The following TUT7 variants were observed in gnomAD, a reference collection of about 807,000 sequenced individuals.
TUT7 encodes terminal uridylyl transferase 7.
Under a neutral mutation model 165.9 loss-of-function variants are expected in TUT7, and 33 were observed. The observed-to-expected ratio is 0.20, with a 90% CI of 0.15 to 0.27. TUT7 has a LOEUF of 0.27. Among genes scored for constraint, TUT7 ranks in the 10% least tolerant of loss-of-function variants. The pLI is 1.00. For missense variants in TUT7, 1,338 were observed against 1,762.3 expected (o/e 0.76, Z 4.31); for synonymous variants, 552 against 608.1 (o/e 0.91, Z 1.36).
chr9:86,307,481 A>G (rs1279258384), intron 22 of TUT7, among the ~76,000 whole-genome samples: 1 of 152,262 alleles, frequency 6.6e-6, no homozygotes, highest in Non-Finnish European at 1.5e-5. Flanking sequence ...AATAATAATA[A>G]AACCACAACT....
At chr9:86,353,531 T>A (rs1832481240) in intron 1 of TUT7, among the ~76,000 whole-genome samples, 1 of 152,216 alleles carries the variant, frequency 6.6e-6, no homozygotes, top group South Asian at 2.1e-4. Context: ...ATTACTCATA[T>A]CAAGTATGGT....
At chr9:86,306,177 CT>C (rs756260110) in intron 22 of TUT7, among the ~76,000 whole-genome samples, 1 of 152,006 alleles carries the variant, frequency 6.6e-6, no homozygotes, top group Non-Finnish European at 1.5e-5. Flanking sequence ...AAGCGATGAC[CT>C]TTTTTCGGGA....
In TUT7 at chr9:86,309,286, A is replaced by G; in HGVS notation, c.3586T>C (p.Tyr1196His). 1 of 1,541,492 alleles carries G rather than the reference A, an allele frequency of 6.5e-7. No individual in the cohort carries two copies. Among genetic ancestry groups the G allele is most frequent in the Non-Finnish European group, 8.9e-7 (1 of 1,122,916 alleles). Reference sequence around the variant, plus strand: ...ATTTCAGGTTTCTTTTCACCTTTGTATATCTGAAATTAATTTTTAAACTAT... The same window carrying G: ...ATTTCAGGTTTCTTTTCACCTTTGTGTATCTGAAATTAATTTTTAAACTAT... ...PPVIPVLQEI[Y>H]KGEKKPEIFV... The change falls in exon 21 of 27, where the codon TAC (tyrosine) becomes CAC (histidine). Residue 1196 changes from tyrosine to histidine, a missense_variant. By Grantham distance (83) the Tyr-to-His change is moderately conservative (BLOSUM62 2). This residue lies in a region of TUT7 where 157 missense variants were observed against 357.5 expected (regional missense o/e 0.44). Coordinates refer to ENST00000375963, the MANE Select transcript of TUT7 (RefSeq NM_024617.4).
chr9:86,323,039 T>C lies in TUT7; in HGVS notation c.2711A>G (p.Lys904Arg). 6.2e-7 allele frequency: 1 copy of C among 1,614,196 alleles called. No homozygotes were observed. Among genetic ancestry groups the C allele is most frequent in the Non-Finnish European group, 8.5e-7 (1 of 1,180,016 alleles). The change falls in exon 13 of 27, where the codon AAG (lysine) becomes AGG (arginine). Residue 904 changes from lysine (K) to arginine (R), a missense_variant. Lys to Arg is a conservative substitution (Grantham distance 26, BLOSUM62 2). Coordinates refer to ENST00000375963, the MANE Select transcript of TUT7 (RefSeq NM_024617.4). ...EEDDELGEAA[K>R]YEDVKECGKH... ...TCCACATTCTTTCACGTCTTCATACTTAGCAGCTTCGCCTAACTCATCATC... is the reference window on the plus strand; with the variant it reads ...TCCACATTCTTTCACGTCTTCATACCTAGCAGCTTCGCCTAACTCATCATC...
intron 26 of TUT7, among the ~76,000 whole-genome samples, chr9:86,290,976 A>G (rs1486434075): frequency 6.6e-6 from 1 of 152,202 alleles, no homozygotes; most frequent in Non-Finnish European, 1.5e-5. Flanking sequence ...ATACAGATGG[A>G]TATCTTTATG....
At chr9:86,338,107 C>G (rs1488134195) in intron 9 of TUT7, among the ~76,000 whole-genome samples, 1 of 152,054 alleles carries the variant, frequency 6.6e-6, no homozygotes, top group Non-Finnish European at 1.5e-5. Context: ...GTGGGAAATC[C>G]GTTGTTCATT....
At chr9:86,291,999 A>C (rs1825938213) in intron 26 of TUT7, among the ~76,000 whole-genome samples, 1 of 152,252 alleles carries the variant, frequency 6.6e-6, no homozygotes, top group Non-Finnish European at 1.5e-5. Context: ...AATACTGTAA[A>C]GAAAAAAACC....
intron 26 of TUT7, 52 bp downstream of exon 26, chr9:86,301,224 G>C (rs969139988): frequency 1.4e-6 from 2 of 1,480,446 alleles, no homozygotes; most frequent in African/African-American, 2.8e-5. Context: ...CTAAAAAGCA[G>C]ATTTCCCTTG....
Position 86,345,093 on chromosome 9 carries a change from G to C in TUT7, c.881C>G (p.Ala294Gly). 1 of 1,613,740 alleles carries C rather than the reference G, an allele frequency of 6.2e-7. No individual in the cohort carries two copies. Among genetic ancestry groups the C allele is most frequent in the Non-Finnish European group, 8.5e-7 (1 of 1,179,830 alleles). Residue 294 changes from alanine (A) to glycine (G), a missense_variant, in exon 5 of 27, where the codon GCA (alanine) becomes GGA (glycine). Physicochemically the swap from Ala to Gly is moderately conservative, Grantham distance 60 (BLOSUM62 0). Coordinates refer to ENST00000375963, the MANE Select transcript of TUT7 (RefSeq NM_024617.4). ...LPPPTPSQIN[A>G]VGIAIDKVVQ... ...CACTTTGTCAATGGCAATGCCAACT[G>C]CATTTATCTGGGAGGGTGTTGGTGG...
At chr9:86,292,975 T>C (rs181849509) in intron 26 of TUT7, among the ~76,000 whole-genome samples, 3 of 152,198 alleles carry the variant, frequency 2.0e-5, no homozygotes, top group African/African-American at 7.2e-5. Flanking sequence ...GAATATAAAA[T>C]ATTTGCATGT....
chr9:86,302,395 G>A (rs1827008432), intron 25 of TUT7, among the ~76,000 whole-genome samples: 1 of 152,202 alleles, frequency 6.6e-6, no homozygotes, highest in Non-Finnish European at 1.5e-5. Flanking sequence ...GTGCTGAACA[G>A]TTACTGTGCA....
At chr9:86,326,334 G>A (rs2131463394) in intron 11 of TUT7, 1 of 154,742 alleles carries the variant, frequency 6.5e-6, no homozygotes, top group East Asian at 1.9e-4. Context: ...CTAAGTCTGG[G>A]TTTCCTCATC....
chr9:86,292,622 AAG>A (rs1028510541), intron 26 of TUT7, among the ~76,000 whole-genome samples: 4 of 150,956 alleles, frequency 2.6e-5, no homozygotes, highest in South Asian at 2.1e-4. Flanking sequence ...AAAAAAAAAA[AAG>A]AGATTGAGCC....
At chr9:86,312,124 T>C (rs1828165709) in intron 17 of TUT7, among the ~76,000 whole-genome samples, 1 of 149,442 alleles carries the variant, frequency 6.7e-6, no homozygotes, top group East Asian at 2.0e-4. Context: ...CTGCCCAGTC[T>C]GGAAAGTGAG....
At chr9:86,299,645 C>A (rs939217209) in intron 26 of TUT7, among the ~76,000 whole-genome samples, 4 of 152,150 alleles carry the variant, frequency 2.6e-5, no homozygotes, top group Non-Finnish European at 5.9e-5. Flanking sequence ...CCCGGACTAC[C>A]CGCCCCGCAT....
chr9:86,301,124 G>A (rs775384911), intron 26 of TUT7, 152 bp downstream of exon 26: 1 of 703,422 alleles, frequency 1.4e-6, no homozygotes, highest in East Asian at 2.7e-5. Flanking sequence ...ATTAAAGGAG[G>A]GGGAAGGGAT....
At chr9:86,313,126 T>TAATTAATA (rs1828370408) in intron 17 of TUT7, among the ~76,000 whole-genome samples, 1 of 142,550 alleles carries the variant, frequency 7.0e-6, no homozygotes, top group African/African-American at 2.6e-5. Flanking sequence ...GAATGATCAA[T>TAATTAATA]AATAAATAAA....
At chr9:86,291,507 CGTT>C (rs1185288849) in intron 26 of TUT7, among the ~76,000 whole-genome samples, 1 of 146,826 alleles carries the variant, frequency 6.8e-6, no homozygotes, top group African/African-American at 2.5e-5. Context: ...AGGAGGCAGA[CGTT>C]GTGGTGAGCC....
At chr9:86,301,649 C>G (rs745992737) in intron 25 of TUT7, 48 bp from the exon 26 acceptor site, 1 of 1,551,314 alleles carries the variant, frequency 6.4e-7, no homozygotes, top group Non-Finnish European at 8.6e-7. Context: ...AGAAGCCTAA[C>G]AAAATATTAA....
Sources: gnomAD v4.1 joint callset for allele counts (sites outside exome capture counted in the v4.1 genomes callset) on GRCh38, gnomAD v4.1.1 for gene constraint, gnomAD v4.1.1 regional missense constraint, MANE v1.5 for transcripts, NCBI Gene and HGNC (gene_info 2026-07-23, HGNC 2026-07-21) for gene names.